Variants in ENOX1 observed in about 807,000 individuals in gnomAD.
ENOX1 encodes candidate growth-related and time keeping constitutive hydroquinone (NADH) oxidase.
In ENOX1, 42 loss-of-function variants were observed where a neutral mutation model predicts 82.5. That is an observed-to-expected ratio of 0.51 (90% confidence interval 0.40 to 0.66). ENOX1 has a LOEUF of 0.66. Among genes scored for constraint, ENOX1 ranks in the 30% least tolerant of loss-of-function variants. The probability of loss-of-function intolerance (pLI) is 0.00; values close to 1 mark genes in which losing one functional copy is unlikely to be tolerated. For synonymous variants in ENOX1, 271 were observed against 282.2 expected, an observed-to-expected ratio of 0.96 and a Z score of 0.40; for missense variants, 608 against 811.6, an observed-to-expected ratio of 0.75 and a Z score of 3.05.
rs1211492614 is a variant in ENOX1 at position 43,786,698 on chromosome 13, G to C, written c.-331C>G. On this transcript the variant is annotated 5_prime_UTR_variant, in exon 1 of 17. Transcript: ENST00000690772. The surrounding 1 kb of genome is among the most constrained non-coding windows in gnomAD (Gnocchi z 6.0). ...CGGAGGCAACCCGCTGCGCGGAGTG[G>C]GGCGCCGGGCGCGGCGCGGCTCCTC... 2 of 152,196 alleles carry C rather than the reference G, an allele frequency of 1.3e-5. No homozygotes were observed. Among genetic ancestry groups the C allele is most frequent in the Non-Finnish European group, 2.9e-5 (2 of 68,202 alleles). 9.4% of individuals were successfully genotyped at this position (152,196 alleles called of 1,614,324 possible). A position where few individuals can be genotyped will look rare whatever the true frequency, so the allele number is the denominator to read the frequency against.
intron 1 of ENOX1, among the ~76,000 whole-genome samples, chr13:43,734,196 GTTGGTTGTTGTTGTTGTTGTT>G (rs2089490699): frequency 6.7e-6 from 1 of 148,674 alleles, no homozygotes; most frequent in Admixed American, 6.6e-5. Flanking sequence ...CAATTTTGTT[GTTGGTTGTTGTTGTTGTTGTT>G]GTTGTTGTTG....
intron 12 of ENOX1, among the ~76,000 whole-genome samples, chr13:43,294,950 T>C (rs575808558): frequency 1.4e-4 from 22 of 152,264 alleles, no homozygotes; most frequent in African/African-American, 5.1e-4. Flanking sequence ...AACAGAGCAG[T>C]GGTTGCTGGG....
At chr13:43,475,996 T>C (rs528784000) in intron 3 of ENOX1, among the ~76,000 whole-genome samples, 2 of 152,088 alleles carry the variant, frequency 1.3e-5, no homozygotes, top group Admixed American at 6.6e-5. Context: ...CAGTTAACTC[T>C]AATCTTATAT....
intron 3 of ENOX1, among the ~76,000 whole-genome samples, chr13:43,413,702 T>A: frequency 6.9e-6 from 1 of 144,130 alleles, no homozygotes; most frequent in Admixed American, 6.8e-5. Flanking sequence ...TATATATTTT[T>A]ATATATTTAT....
At chr13:43,687,887 C>G (rs1165704617) in intron 1 of ENOX1, among the ~76,000 whole-genome samples, 1 of 152,060 alleles carries the variant, frequency 6.6e-6, no homozygotes, top group East Asian at 1.9e-4. Flanking sequence ...GACAACATAC[C>G]TTTTACATTT....
At chr13:43,771,980 T>C (rs1481622439) in intron 1 of ENOX1, among the ~76,000 whole-genome samples, 7 of 145,486 alleles carry the variant, frequency 4.8e-5, no homozygotes, top group Non-Finnish European at 7.5e-5. Flanking sequence ...GAGATGGGGT[T>C]TCACCGTGTT....
intron 16 of ENOX1, among the ~76,000 whole-genome samples, chr13:43,216,746 G>A (rs2041508629): frequency 6.6e-6 from 1 of 152,142 alleles, no homozygotes; most frequent in Non-Finnish European, 1.5e-5. Flanking sequence ...CACCTCCCTT[G>A]GAAATGTAGG....
intron 12 of ENOX1, among the ~76,000 whole-genome samples, chr13:43,290,201 C>A (rs149215357): frequency 2.6e-5 from 4 of 152,124 alleles, no homozygotes; most frequent in Non-Finnish European, 4.4e-5. Flanking sequence ...AGCTATCATT[C>A]GACCCAGCAA....
intron 2 of ENOX1, among the ~76,000 whole-genome samples, chr13:43,558,050 G>GGTCCCA (rs1484938852): frequency 6.6e-6 from 1 of 152,188 alleles, no homozygotes; most frequent in Non-Finnish European, 1.5e-5. Flanking sequence ...TCCCATCCAT[G>GGTCCCA]AGAGCTGCAC....
chr13:43,775,908 A>ATTGACAGACCTTCTTAAT (rs1173225910), intron 1 of ENOX1, among the ~76,000 whole-genome samples: 1 of 152,158 alleles, frequency 6.6e-6, no homozygotes, highest in African/African-American at 2.4e-5. Flanking sequence ...GCTTTGCTCC[A>ATTGACAGACCTTCTTAAT]TTGACAGACC....
At chr13:43,365,870 G>A (rs1308344219) in intron 5 of ENOX1, among the ~76,000 whole-genome samples, 4 of 152,236 alleles carry the variant, frequency 2.6e-5, no homozygotes, top group Non-Finnish European at 4.4e-5. Context: ...GACAGAGTAA[G>A]TGTGTGGGGC....
At chr13:43,745,517 T>C (rs1390001885) in intron 1 of ENOX1, among the ~76,000 whole-genome samples, 3 of 152,206 alleles carry the variant, frequency 2.0e-5, no homozygotes, top group Admixed American at 1.3e-4. Context: ...ATACACTATA[T>C]TTTTAAAAGG....
intron 2 of ENOX1, among the ~76,000 whole-genome samples, chr13:43,511,581 T>C (rs79870468): frequency 0.035 from 5,285 of 152,216 alleles, 308 homozygotes; most frequent in African/African-American, 0.12. Flanking sequence ...ATGAGCAAGA[T>C]CTTTCAGTTA....
At chr13:43,661,030 G>C (rs146234699) in intron 2 of ENOX1, among the ~76,000 whole-genome samples, 46 of 152,240 alleles carry the variant, frequency 3.0e-4, no homozygotes, top group African/African-American at 1.1e-3. Flanking sequence ...CTTATAAAAA[G>C]AGATACAATA....
intron 10 of ENOX1, among the ~76,000 whole-genome samples, chr13:43,322,815 T>C (rs901057435): frequency 2.0e-5 from 3 of 152,154 alleles, no homozygotes; most frequent in Non-Finnish European, 2.9e-5. Context: ...AAAGATTACA[T>C]AGAAATACCT....
At chr13:43,755,120 A>ACACAAAACACTTCTCCATTC (rs1950581541) in intron 1 of ENOX1, among the ~76,000 whole-genome samples, 1 of 152,046 alleles carries the variant, frequency 6.6e-6, no homozygotes, top group African/African-American at 2.4e-5. Flanking sequence ...AAACTCCAGA[A>ACACAAAACACTTCTCCATTC]CACAAAACAC....
At chr13:43,539,267 G>T (rs562120579) in intron 2 of ENOX1, among the ~76,000 whole-genome samples, 1 of 152,214 alleles carries the variant, frequency 6.6e-6, no homozygotes, top group South Asian at 2.1e-4. Flanking sequence ...TGAGATGAAT[G>T]TTGTTTAATT....
At chr13:43,670,691 T>C (rs907450873) in intron 1 of ENOX1, among the ~76,000 whole-genome samples, 1 of 151,788 alleles carries the variant, frequency 6.6e-6, no homozygotes, top group Non-Finnish European at 1.5e-5. Context: ...CCACTTCCAC[T>C]AAAAATACAA....
At chr13:43,674,670 T>C (rs1288368536) in intron 1 of ENOX1, among the ~76,000 whole-genome samples, 3 of 152,130 alleles carry the variant, frequency 2.0e-5, no homozygotes, top group Non-Finnish European at 4.4e-5. Flanking sequence ...ATACATGTCA[T>C]TATACGTTTA....
Sources: gnomAD v4.1 joint callset for allele counts (sites outside exome capture counted in the v4.1 genomes callset) on GRCh38, gnomAD v4.1.1 for gene constraint, Gnocchi (gnomAD v3.1) non-coding constraint, MANE v1.5 for transcripts, NCBI Gene and HGNC (gene_info 2026-07-23, HGNC 2026-07-21) for gene names.